The following HIVEP3 variants were observed in gnomAD, a reference collection of about 807,000 sequenced individuals.
The protein encoded by HIVEP3 is HIVEP zinc finger 3.
In HIVEP3, 49 loss-of-function variants were observed where a neutral mutation model predicts 152.8. The observed-to-expected ratio is 0.32, with a 90% CI of 0.26 to 0.41. The LOEUF (loss-of-function observed/expected upper bound fraction) is 0.41. Among genes scored for constraint, HIVEP3 ranks in the 10% least tolerant of loss-of-function variants. The pLI, the probability that HIVEP3 is intolerant of heterozygous loss-of-function variation, is 1.00. For synonymous variants in HIVEP3, 1,269 were observed against 1,289.0 expected, an observed-to-expected ratio of 0.98 and a Z score of 0.33; for missense variants, 2,790 against 3,103.3, an observed-to-expected ratio of 0.90 and a Z score of 2.40.
At chr1:41,715,473 G>A (rs1646577753) in intron 1 of HIVEP3, among the ~76,000 whole-genome samples, 1 of 152,172 alleles carries the variant, frequency 6.6e-6, no homozygotes, top group South Asian at 2.1e-4. Context: ...GGGTCCTCAC[G>A]CACCAGCCAA....
chr1:41,703,325 A>G (rs568214227), intron 1 of HIVEP3, among the ~76,000 whole-genome samples: 2 of 152,332 alleles, frequency 1.3e-5, no homozygotes, highest in Non-Finnish European at 2.9e-5. Context: ...TTATTTTAAC[A>G]TGACTGTTGG....
chr1:41,737,210 G>A (rs558611218), intron 1 of HIVEP3, among the ~76,000 whole-genome samples: 1 of 152,150 alleles, frequency 6.6e-6, no homozygotes. Flanking sequence ...GCTGCTTAAC[G>A]TATCTCAGCC....
intron 5 of HIVEP3, among the ~76,000 whole-genome samples, chr1:41,531,871 GA>G (rs1310648404): frequency 0.023 from 1,688 of 73,824 alleles, no homozygotes; most frequent in East Asian, 0.056. Context: ...TGGAGGACAG[GA>G]GAGATGGAGG....
intron 3 of HIVEP3, among the ~76,000 whole-genome samples, chr1:41,601,221 T>C (rs1644744360): frequency 6.6e-6 from 1 of 152,168 alleles, no homozygotes; most frequent in African/African-American, 2.4e-5. Flanking sequence ...AGAGGATTGA[T>C]TTGGCTATTT....
intron 1 of HIVEP3, among the ~76,000 whole-genome samples, chr1:41,912,244 C>T (rs1446735018): frequency 6.6e-6 from 1 of 152,118 alleles, no homozygotes; most frequent in Non-Finnish European, 1.5e-5. Flanking sequence ...GTTCAAGTAA[C>T]ATTCTTTTTC....
intron 1 of HIVEP3, among the ~76,000 whole-genome samples, chr1:41,958,784 G>A (rs753176302): frequency 2.6e-5 from 4 of 152,212 alleles, no homozygotes; most frequent in Admixed American, 1.3e-4. Flanking sequence ...AAAGTGGCCC[G>A]TGGTAAAGAC....
intron 1 of HIVEP3, among the ~76,000 whole-genome samples, chr1:41,898,506 T>C (rs1830908): frequency 0.05 from 7,681 of 152,290 alleles, 585 homozygotes; most frequent in African/African-American, 0.17. Context: ...ATTACCTCCC[T>C]GTCCTGGCTC....
At chr1:41,937,316 C>A (rs773018695) in intron 1 of HIVEP3, among the ~76,000 whole-genome samples, 5 of 152,174 alleles carry the variant, frequency 3.3e-5, no homozygotes, top group Non-Finnish European at 5.9e-5. Flanking sequence ...CTGGGCACAA[C>A]ACTTTCTTCC....
At chr1:41,528,320 C>T (rs1643083390) in intron 5 of HIVEP3, among the ~76,000 whole-genome samples, 1 of 132,720 alleles carries the variant, frequency 7.5e-6, no homozygotes, top group South Asian at 2.7e-4. Context: ...CTTCACACTC[C>T]ACACCCCCAC....
At chr1:41,732,756 G>C (rs1413242326) in intron 1 of HIVEP3, among the ~76,000 whole-genome samples, 1 of 152,144 alleles carries the variant, frequency 6.6e-6, no homozygotes, top group Non-Finnish European at 1.5e-5. Flanking sequence ...CCGAGGACAA[G>C]GCCTGCCTTC....
At chr1:41,750,156 G>A (rs1307762967) in intron 1 of HIVEP3, among the ~76,000 whole-genome samples, 1 of 152,162 alleles carries the variant, frequency 6.6e-6, no homozygotes, top group Non-Finnish European at 1.5e-5. Context: ...TCTCTAGCCT[G>A]CTTCCTCTTC....
chr1:41,819,131 CT>C (rs554731070), intron 1 of HIVEP3, among the ~76,000 whole-genome samples: 2 of 151,894 alleles, frequency 1.3e-5, no homozygotes, highest in Admixed American at 6.6e-5. Context: ...CCCACTCTCC[CT>C]TTTTTTTGTT....
At chr1:41,862,573 C>T (rs1364131744) in intron 1 of HIVEP3, among the ~76,000 whole-genome samples, 1 of 152,194 alleles carries the variant, frequency 6.6e-6, no homozygotes, top group South Asian at 2.1e-4. Context: ...ATGCATCTCT[C>T]CCCATCCATT....
intron 1 of HIVEP3, among the ~76,000 whole-genome samples, chr1:41,825,611 A>G (rs1280349880): frequency 6.6e-6 from 1 of 151,502 alleles, no homozygotes; most frequent in Non-Finnish European, 1.5e-5. Context: ...AATTCTCACT[A>G]TATATATTTT....
chr1:42,035,567 AG>A (rs1233240946), intron 1 of HIVEP3, among the ~76,000 whole-genome samples: 1 of 152,046 alleles, frequency 6.6e-6, no homozygotes, highest in South Asian at 2.1e-4. Flanking sequence ...CGGCCCGGGA[AG>A]GGGGGCTCGG....
At chr1:41,717,958 C>A (rs1646619176) in intron 1 of HIVEP3, among the ~76,000 whole-genome samples, 1 of 152,196 alleles carries the variant, frequency 6.6e-6, no homozygotes, top group African/African-American at 2.4e-5. Context: ...GCATGTCCCC[C>A]TGGAGCCTGC....
chr1:41,551,543 C>A (rs1643894129), intron 5 of HIVEP3, among the ~76,000 whole-genome samples: 1 of 152,166 alleles, frequency 6.6e-6, no homozygotes. Context: ...TTAATTATTG[C>A]CTCAATTTCA....
At chr1:41,917,301 C>T (rs1476773295) in intron 1 of HIVEP3, among the ~76,000 whole-genome samples, 1 of 152,042 alleles carries the variant, frequency 6.6e-6, no homozygotes, top group African/African-American at 2.4e-5. Context: ...TTTCCTCTTC[C>T]CTCCCCCCGT....
At chr1:41,677,115 C>A (rs192821876) in intron 2 of HIVEP3, among the ~76,000 whole-genome samples, 2 of 152,330 alleles carry the variant, frequency 1.3e-5, no homozygotes, top group Non-Finnish European at 2.9e-5. Context: ...GCTCCTGGAT[C>A]TAGCCATGCC....
Sources: gnomAD v4.1 joint callset for allele counts (sites outside exome capture counted in the v4.1 genomes callset) on GRCh38, gnomAD v4.1.1 for gene constraint, MANE v1.5 for transcripts, NCBI Gene and HGNC (gene_info 2026-07-23, HGNC 2026-07-21) for gene names.